HMBOX1: variants seen among roughly 807,000 people sequenced by gnomAD.
The protein encoded by HMBOX1 is homeobox-containing protein 1.
HMBOX1 carries 14 observed loss-of-function variants against 54.5 expected under a neutral mutation model. The ratio of observed to expected loss-of-function variants is 0.26; its 90% CI spans 0.17 to 0.40. HMBOX1 has a LOEUF of 0.40. Among genes scored for constraint, HMBOX1 ranks in the 10% least tolerant of loss-of-function variants. The pLI is 1.00. For missense variants in HMBOX1, 332 were observed against 514.4 expected (o/e 0.65, Z 3.43); for synonymous variants, 160 against 181.0 (o/e 0.88, Z 0.93).
chr8:28,919,879 C>G (rs1817233708), intron 1 of HMBOX1, among the ~76,000 whole-genome samples: 1 of 151,990 alleles, frequency 6.6e-6, no homozygotes, highest in African/African-American at 2.4e-5. Context: ...AATGAATACT[C>G]AAGAGATCAG....
intron 1 of HMBOX1, among the ~76,000 whole-genome samples, chr8:28,931,524 A>AC (rs1420168471): frequency 1.3e-5 from 2 of 152,000 alleles, no homozygotes; most frequent in Non-Finnish European, 2.9e-5. Context: ...AAAGTCCAAA[A>AC]CTAATACCTT....
At chr8:28,912,595 T>A (rs1404138624) in intron 1 of HMBOX1, among the ~76,000 whole-genome samples, 1 of 152,206 alleles carries the variant, frequency 6.6e-6, no homozygotes, top group Non-Finnish European at 1.5e-5. Context: ...TTCAGCAGTT[T>A]TTGTCAATGA....
intron 9 of HMBOX1, chr8:29,050,400 C>T (rs935383271): frequency 4.0e-5 from 7 of 174,636 alleles, no homozygotes; most frequent in South Asian, 3.8e-4. Context: ...AGACGCCTGC[C>T]GCTCCCCTTG....
intron 4 of HMBOX1, among the ~76,000 whole-genome samples, chr8:28,992,001 T>A (rs1436591082): frequency 6.6e-6 from 1 of 152,226 alleles, no homozygotes; most frequent in Non-Finnish European, 1.5e-5. Flanking sequence ...AAACCCAGGC[T>A]TAAGGGGATT....
chr8:28,967,026 G>A (rs1345101842), intron 2 of HMBOX1, among the ~76,000 whole-genome samples: 8 of 152,190 alleles, frequency 5.3e-5, no homozygotes, highest in Admixed American at 1.3e-4. Flanking sequence ...TCTGTTCCAC[G>A]TTTCTTGGTA....
chr8:28,927,331 C>A (rs1296459657), intron 1 of HMBOX1, among the ~76,000 whole-genome samples: 1 of 151,912 alleles, frequency 6.6e-6, no homozygotes, highest in Non-Finnish European at 1.5e-5. Flanking sequence ...ACTTTTAGTC[C>A]ATTTGTGTTA....
At chr8:29,016,059 A>G (rs1214515070) in intron 5 of HMBOX1, among the ~76,000 whole-genome samples, 1 of 152,264 alleles carries the variant, frequency 6.6e-6, no homozygotes, top group Non-Finnish European at 1.5e-5. Flanking sequence ...AAGAAATCAC[A>G]TACATATTAA....
At chr8:29,049,515 A>G in intron 9 of HMBOX1, 1 of 1,405,952 alleles carries the variant, frequency 7.1e-7, no homozygotes, top group Non-Finnish European at 9.3e-7. Flanking sequence ...CTCTGGCCCC[A>G]CTGCAGTGGG....
intron 4 of HMBOX1, among the ~76,000 whole-genome samples, chr8:29,003,555 A>AAAATATATATAT (rs1554567241): frequency 1.4e-5 from 1 of 71,312 alleles, no homozygotes; most frequent in Middle Eastern, 6.5e-3. Flanking sequence ...TTCTGTATTA[A>AAAATATATATAT]ATATATATAT....
intron 4 of HMBOX1, among the ~76,000 whole-genome samples, chr8:28,982,665 G>A (rs528782945): frequency 1.2e-4 from 18 of 149,488 alleles, no homozygotes; most frequent in South Asian, 8.5e-4. Flanking sequence ...TTGCTCTGTC[G>A]CCCAAGCTAG....
chr8:29,037,022 G>A (rs1040185888), intron 6 of HMBOX1, among the ~76,000 whole-genome samples: 11 of 152,188 alleles, frequency 7.2e-5, no homozygotes, highest in African/African-American at 2.6e-4. Flanking sequence ...CACTTCCTAG[G>A]CCAGTACTAA....
At chr8:28,932,794 G>A (rs976195367) in intron 1 of HMBOX1, among the ~76,000 whole-genome samples, 1 of 152,180 alleles carries the variant, frequency 6.6e-6, no homozygotes, top group African/African-American at 2.4e-5. Flanking sequence ...CAGAGGTGTG[G>A]CTAGGCTAGA....
At chr8:28,932,572 A>G (rs1819649110) in intron 1 of HMBOX1, among the ~76,000 whole-genome samples, 1 of 152,174 alleles carries the variant, frequency 6.6e-6, no homozygotes, top group Non-Finnish European at 1.5e-5. Flanking sequence ...TTAATCTTCC[A>G]TATGTTTTCC....
At chr8:28,971,675 G>A (rs1457994031) in intron 3 of HMBOX1, among the ~76,000 whole-genome samples, 1 of 152,080 alleles carries the variant, frequency 6.6e-6, no homozygotes, top group Non-Finnish European at 1.5e-5. Flanking sequence ...ATTACTGATG[G>A]GTAAGACAAT....
intron 1 of HMBOX1, among the ~76,000 whole-genome samples, chr8:28,925,231 T>C (rs1242043542): frequency 6.6e-6 from 1 of 152,222 alleles, no homozygotes; most frequent in Non-Finnish European, 1.5e-5. Flanking sequence ...GTTGGTGTAT[T>C]GTCTGTGGTT....
At chr8:28,897,094 C>T (rs1021193375) in intron 1 of HMBOX1, among the ~76,000 whole-genome samples, 4 of 151,664 alleles carry the variant, frequency 2.6e-5, no homozygotes, top group African/African-American at 9.7e-5. Flanking sequence ...AAGTGATTCT[C>T]CTGCCTCAGC....
chr8:28,964,798 C>T (rs1359782240), intron 2 of HMBOX1, among the ~76,000 whole-genome samples: 1 of 145,502 alleles, frequency 6.9e-6, no homozygotes, highest in Non-Finnish European at 1.5e-5. Flanking sequence ...GAACTGTAGC[C>T]CGACTTTCTG....
intron 6 of HMBOX1, among the ~76,000 whole-genome samples, chr8:29,041,709 T>C (rs1804847372): frequency 6.6e-6 from 1 of 152,040 alleles, no homozygotes; most frequent in African/African-American, 2.4e-5. Flanking sequence ...AAAGCTGATA[T>C]ACTTGCAAGA....
intron 6 of HMBOX1, among the ~76,000 whole-genome samples, chr8:29,031,156 T>G (rs1802899398): frequency 6.6e-6 from 1 of 152,222 alleles, no homozygotes; most frequent in South Asian, 2.1e-4. Flanking sequence ...ATGTTGCTGC[T>G]GAATTGAGCG....
Sources: allele counts gnomAD v4.1 joint callset (sites outside exome capture counted in the v4.1 genomes callset), GRCh38; gene constraint gnomAD v4.1.1; transcripts MANE v1.5; gene names NCBI Gene and HGNC (gene_info 2026-07-23, HGNC 2026-07-21).